Variants in SNX8 observed in about 807,000 individuals in gnomAD.
The protein encoded by SNX8 is sorting nexin-8.
In SNX8, 25 loss-of-function variants were observed where a neutral mutation model predicts 51.6. The ratio of observed to expected loss-of-function variants is 0.48; its 90% CI spans 0.35 to 0.68. SNX8 has a LOEUF of 0.68. Ranked by LOEUF, SNX8 falls within the 30% of genes least tolerant of loss-of-function variation. The pLI, the probability that SNX8 is intolerant of heterozygous loss-of-function variation, is 0.00. For synonymous variants in SNX8, 324 were observed against 277.0 expected (o/e 1.17, Z -1.68); for missense variants, 695 against 624.0 (o/e 1.11, Z -1.21).
At chr7:2,279,437 C>T (rs1222485151) in intron 1 of SNX8, among the ~76,000 whole-genome samples, 2 of 152,114 alleles carry the variant, frequency 1.3e-5, no homozygotes, top group African/African-American at 4.8e-5. Context: ...GTCGACGCTG[C>T]GGGCACGTCC....
At chr7:2,302,755 C>T (rs1410197238) in intron 1 of SNX8, among the ~76,000 whole-genome samples, 1 of 151,992 alleles carries the variant, frequency 6.6e-6, no homozygotes, top group Non-Finnish European at 1.5e-5. Flanking sequence ...TGCCCCACCG[C>T]CCCGTCTGGG....
At position 2,269,108 on chromosome 7, in the gene SNX8, G is replaced by A. The variant is rs865843567; in HGVS notation, c.621+451C>T. On this transcript the variant is annotated intron_variant, in intron 5 of 10. Coordinates refer to ENST00000222990, the MANE Select transcript of SNX8 (RefSeq NM_013321.4). ...AGAAAGGCGGGAAAGGTGGGGAAAAGATTGAGAAATCGGATGGTTGCCGTG... is the reference window on the plus strand; with the variant it reads ...AGAAAGGCGGGAAAGGTGGGGAAAAAATTGAGAAATCGGATGGTTGCCGTG... 4.8e-3 allele frequency among the ~76,000 whole-genome samples: 684 copies of A among 142,508 alleles called. 4 individuals are homozygous for A. Among genetic ancestry groups the A allele is most frequent in the African/African-American group, 0.016 (635 of 39,270 alleles). 93.5% of individuals were successfully genotyped at this position (142,508 alleles called of 152,430 possible). A position where few individuals can be genotyped will look rare whatever the true frequency, so the allele number is the denominator to read the frequency against.
At chr7:2,267,195 G>T (rs2115109366) in intron 5 of SNX8, among the ~76,000 whole-genome samples, 1 of 152,374 alleles carries the variant, frequency 6.6e-6, no homozygotes, top group South Asian at 2.1e-4. Flanking sequence ...ACAGATGTCA[G>T]CATAATCCCT....
At chr7:2,264,159 G>A (rs1401030086) in intron 6 of SNX8, 139 bp downstream of exon 6, 1 of 768,252 alleles carries the variant, frequency 1.3e-6, no homozygotes, top group African/African-American at 1.7e-5. Context: ...ATGTGCCTGA[G>A]CCACTTTCTG....
At chr7:2,257,130 G>C (rs1328599144) in intron 9 of SNX8, 107 bp from the exon 10 acceptor site, 1 of 1,332,032 alleles carries the variant, frequency 7.5e-7, no homozygotes, top group Admixed American at 2.6e-5. Context: ...TTCTCCTTCA[G>C]CCTTCACCAG....
chr7:2,278,058 C>T lies in SNX8; in HGVS notation c.300+42G>A, dbSNP rs776200676. The T allele has an allele frequency of 3.1e-6, 5 of 1,594,636 alleles. No individual in the cohort carries two copies. The Admixed American group carries it at 5.1e-5, about 16-fold the overall frequency. The stretch of plus-strand genomic sequence containing the variant: ...CTGAGATGTTGAGACGTGACCCTTT[C>T]TTCCCCCTCCTGCCCCGACACACAC... On this transcript the variant is annotated intron_variant, in intron 2 of 10. Transcript: ENST00000222990.
chr7:2,306,584 C>T (rs77108261), intron 1 of SNX8, among the ~76,000 whole-genome samples: 3,561 of 151,882 alleles, frequency 0.023, 62 homozygotes, highest in Non-Finnish European at 0.037. Context: ...TAGAAAATTA[C>T]GAAAACTAGC....
intron 1 of SNX8, among the ~76,000 whole-genome samples, chr7:2,303,366 T>C (rs528113195): frequency 4.2e-4 from 62 of 148,604 alleles, no homozygotes; most frequent in African/African-American, 1.5e-3. Context: ...AGCCGCCCCG[T>C]CTGGGAGGTG....
At chr7:2,260,372 A>G (rs533630568) in intron 7 of SNX8, among the ~76,000 whole-genome samples, 2 of 152,312 alleles carry the variant, frequency 1.3e-5, no homozygotes, top group South Asian at 2.1e-4. Context: ...TGCTAAGATT[A>G]CAGGCATGAG....
At chr7:2,350,835 T>C (rs1441470974) in intron 1 of SNX8, among the ~76,000 whole-genome samples, 1 of 152,020 alleles carries the variant, frequency 6.6e-6, no homozygotes, top group African/African-American at 2.4e-5. Context: ...TTAGTAGAGA[T>C]AGGGTTTCAC....
At position 2,278,242 on chromosome 7, in the gene SNX8, C is replaced by T. The variant is rs11557151; in HGVS notation, c.158G>A (p.Arg53Gln). ...CGGGTTCCCCTGCGGCATCTGCATT[C>T]GACTGGGGGCTGGGACCTGCTGCAC... ...AIVQQVPAPS[R>Q]MQMPQGNPLL... Residue 53 changes from arginine to glutamine, a missense_variant, in exon 2 of 11, where the codon CGA becomes CAA. Arg to Gln is a conservative substitution (Grantham distance 43). Transcript: ENST00000222990. The T allele has an allele frequency of 1.2e-6, 2 of 1,610,688 alleles. No individual in the cohort carries two copies. The highest frequency in any genetic ancestry group is 1.3e-5 in the African/African-American group (1 of 75,026).
chr7:2,336,265 G>T (rs1254526793), intron 1 of SNX8, among the ~76,000 whole-genome samples: 1 of 151,994 alleles, frequency 6.6e-6, no homozygotes, highest in African/African-American at 2.4e-5. Flanking sequence ...ACCGGGCATG[G>T]TGGCGCAGGC....
At chr7:2,347,195 C>A (rs1779048030) in intron 1 of SNX8, among the ~76,000 whole-genome samples, 1 of 152,000 alleles carries the variant, frequency 6.6e-6, no homozygotes, top group East Asian at 1.9e-4. Flanking sequence ...TAATAAGAGC[C>A]TTTGGGCTGG....
intron 5 of SNX8, among the ~76,000 whole-genome samples, chr7:2,268,077 C>CCCCCGCCTGG (rs1795524017): frequency 2.2e-5 from 3 of 137,960 alleles, no homozygotes; most frequent in Non-Finnish European, 4.7e-5. Context: ...GGGGGTCAGC[C>CCCCCGCCTGG]CCACCACCTG....
At chr7:2,273,689 G>A (rs917717212) in intron 3 of SNX8, among the ~76,000 whole-genome samples, 3 of 150,990 alleles carry the variant, frequency 2.0e-5, no homozygotes, top group African/African-American at 7.3e-5. Context: ...GGATCACGAG[G>A]TCAGGAGATT....
intron 1 of SNX8, among the ~76,000 whole-genome samples, chr7:2,291,219 G>A (rs1796143400): frequency 6.6e-6 from 1 of 152,110 alleles, no homozygotes; most frequent in Non-Finnish European, 1.5e-5. Flanking sequence ...AGGGTCCTTT[G>A]AGCCCAGAAG....
At chr7:2,324,112 A>C (rs1221489805) in intron 1 of SNX8, among the ~76,000 whole-genome samples, 1 of 149,088 alleles carries the variant, frequency 6.7e-6, no homozygotes, top group Non-Finnish European at 1.5e-5. Flanking sequence ...CAAGGGCAAG[A>C]CTCCATCTCA....
chr7:2,263,072 T>C (rs116898687), intron 7 of SNX8, among the ~76,000 whole-genome samples, 158 bp downstream of exon 7: 2,287 of 152,366 alleles, frequency 0.015, 24 homozygotes, highest in Non-Finnish European at 0.022. Flanking sequence ...CGAGCCGAGA[T>C]TGCGCCTTTG....
At position 2,304,738 on chromosome 7, in the gene SNX8, G is replaced by A. The variant is rs139943389; in HGVS notation, c.94+9590C>T. On this transcript the variant is annotated intron_variant, in intron 1 of 10. Transcript: ENST00000222990. ...AAGGAAGGCTAACCGTGCACATGCCGTCCTGAGATAAGAAACTGCACACAC... is the reference window on the plus strand; with the variant it reads ...AAGGAAGGCTAACCGTGCACATGCCATCCTGAGATAAGAAACTGCACACAC... Among the ~76,000 whole-genome samples, 10 of 152,112 alleles carry A rather than the reference G, an allele frequency of 6.6e-5. No individual in the cohort carries two copies. In the East Asian group the frequency reaches 1.4e-3, roughly 21 times the overall value.
Sources: gnomAD v4.1 joint callset for allele counts (sites outside exome capture counted in the v4.1 genomes callset) on GRCh38, gnomAD v4.1.1 for gene constraint, MANE v1.5 for transcripts, NCBI Gene and HGNC (gene_info 2026-07-23, HGNC 2026-07-21) for gene names.